REDIC1: variants seen among roughly 807,000 people sequenced by gnomAD.
The protein encoded by REDIC1 is HEI10 Interacting Protein 1.
chr12:39,861,134 C>T, the REDIC1 span, among the ~76,000 whole-genome samples: 1 of 152,190 alleles, frequency 6.6e-6, no homozygotes, highest in African/African-American at 2.4e-5. Flanking sequence ...GTGTGACATA[C>T]TCCACTCTTC....
the REDIC1 span, among the ~76,000 whole-genome samples, chr12:39,642,378 TC>T: frequency 1.3e-5 from 2 of 151,660 alleles, no homozygotes; most frequent in Non-Finnish European, 3.0e-5. Context: ...CTCTGACTCA[TC>T]CATCTATCTT....
the REDIC1 span, among the ~76,000 whole-genome samples, chr12:39,852,078 G>A: frequency 1.3e-5 from 2 of 152,184 alleles, no homozygotes; most frequent in African/African-American, 4.8e-5. Context: ...AGGTGTGTGT[G>A]AGGCTGGGTA....
chr12:39,730,435 A>C, the REDIC1 span, among the ~76,000 whole-genome samples: 2 of 152,196 alleles, frequency 1.3e-5, no homozygotes, highest in Non-Finnish European at 2.9e-5. Flanking sequence ...TTGGCTGGAT[A>C]TGAAATTCTG....
chr12:39,777,405 C>A, the REDIC1 span, among the ~76,000 whole-genome samples: 1 of 152,082 alleles, frequency 6.6e-6, no homozygotes, highest in South Asian at 2.1e-4. Context: ...AGAAGTGATA[C>A]AGAAGGGAAG....
the REDIC1 span, among the ~76,000 whole-genome samples, chr12:39,897,969 C>T: frequency 2.0e-5 from 3 of 151,764 alleles, no homozygotes; most frequent in Non-Finnish European, 4.4e-5. Flanking sequence ...TTATTATATG[C>T]TTGGCACATA....
the REDIC1 span, among the ~76,000 whole-genome samples, chr12:39,895,578 A>G: frequency 2.1e-5 from 3 of 142,858 alleles, no homozygotes; most frequent in African/African-American, 5.2e-5. Context: ...GTGTATATGT[A>G]TATGTGTATA....
the REDIC1 span, chr12:39,650,279 TAAATA>T: frequency 3.7e-6 from 6 of 1,611,668 alleles, no homozygotes; most frequent in Non-Finnish European, 5.1e-6. The surrounding 1 kb of genome is among the most constrained non-coding windows in gnomAD (Gnocchi z 4.3). Context: ...CTTTCCAAAT[TAAATA>T]AAAGTCAAGA....
At chr12:39,704,881 A>G in the REDIC1 span, among the ~76,000 whole-genome samples, 4 of 151,892 alleles carry the variant, frequency 2.6e-5, no homozygotes, top group Non-Finnish European at 4.4e-5. Context: ...ATGAGAACAC[A>G]TGGACACAGG....
the REDIC1 span, among the ~76,000 whole-genome samples, chr12:39,896,827 G>T: frequency 1.3e-5 from 2 of 152,058 alleles, no homozygotes; most frequent in Non-Finnish European, 2.9e-5. Flanking sequence ...TCTGTCAATA[G>T]TGTGACAAAA....
At chr12:39,675,183 A>G in the REDIC1 span, among the ~76,000 whole-genome samples, 44 of 152,162 alleles carry the variant, frequency 2.9e-4, no homozygotes, top group African/African-American at 1.0e-3. Flanking sequence ...TGTATGATGC[A>G]GCAGAGGTAG....
At chr12:39,700,708 G>C in the REDIC1 span, among the ~76,000 whole-genome samples, 1 of 151,954 alleles carries the variant, frequency 6.6e-6, no homozygotes, top group African/African-American at 2.4e-5. Context: ...TACCCTCAAA[G>C]GGAAGCCCAT....
the REDIC1 span, among the ~76,000 whole-genome samples, chr12:39,846,366 A>G: frequency 1.3e-5 from 2 of 152,188 alleles, no homozygotes; most frequent in Non-Finnish European, 2.9e-5. Flanking sequence ...GTAGTGGTTA[A>G]GGGCTGAATT....
chr12:39,846,837 G>T, the REDIC1 span, among the ~76,000 whole-genome samples: 6 of 152,218 alleles, frequency 3.9e-5, no homozygotes, highest in South Asian at 4.1e-4. Flanking sequence ...GGATAAAAGA[G>T]AATCCATGCA....
chr12:39,636,604 TG>T, the REDIC1 span, among the ~76,000 whole-genome samples: 1 of 152,214 alleles, frequency 6.6e-6, no homozygotes, highest in African/African-American at 2.4e-5. Flanking sequence ...TGCTAATTAT[TG>T]GGCTATTAAT....
the REDIC1 span, among the ~76,000 whole-genome samples, chr12:39,664,465 C>T: frequency 2.0e-5 from 3 of 152,080 alleles, no homozygotes; most frequent in East Asian, 1.9e-4. Flanking sequence ...TTTCTTGATC[C>T]AGTCTATCAT....
the REDIC1 span, among the ~76,000 whole-genome samples, chr12:39,762,863 T>A: frequency 6.6e-6 from 1 of 152,022 alleles, no homozygotes; most frequent in Non-Finnish European, 1.5e-5. Flanking sequence ...CTTTTAACTG[T>A]TTATTTTTGA....
At chr12:39,816,714 A>G in the REDIC1 span, among the ~76,000 whole-genome samples, 239 of 152,226 alleles carry the variant, frequency 1.6e-3, no homozygotes, top group African/African-American at 5.6e-3. Context: ...ATGAAAAACA[A>G]ACAAATAAGC....
chr12:39,632,694 T>G, the REDIC1 span, among the ~76,000 whole-genome samples: 1 of 152,208 alleles, frequency 6.6e-6, no homozygotes, highest in East Asian at 1.9e-4. Flanking sequence ...GGGTCTAGTC[T>G]ACTACACACC....
the REDIC1 span, among the ~76,000 whole-genome samples, chr12:39,835,000 CT>C: frequency 2.0e-5 from 3 of 152,060 alleles, no homozygotes; most frequent in African/African-American, 7.2e-5. Context: ...TCAAGATTTG[CT>C]CTTTAAGCCT....
Sources: gnomAD v4.1 joint callset for allele counts (sites outside exome capture counted in the v4.1 genomes callset) on GRCh38, gnomAD v4.1.1 for gene constraint, Gnocchi (gnomAD v3.1) non-coding constraint, MANE v1.5 for transcripts, NCBI Gene and HGNC (gene_info 2026-07-23, HGNC 2026-07-21) for gene names.